Variants in MEI4 observed in about 807,000 individuals in gnomAD.
MEI4 encodes the protein meiotic double-stranded break formation protein 4, also known as meiosis-specific protein MEI4.
A neutral mutation model predicts 31.4 loss-of-function variants in MEI4; 27 were observed. The ratio of observed to expected loss-of-function variants is 0.86; its 90% CI spans 0.63 to 1.19. The LOEUF (loss-of-function observed/expected upper bound fraction) is 1.19, where lower values mean the gene tolerates loss of function less well. Ranked by LOEUF, MEI4 falls within the 50% of genes most tolerant of loss-of-function variation. MEI4 has a pLI of 0.00. For synonymous variants in MEI4, 122 were observed against 145.4 expected, an observed-to-expected ratio of 0.84 and a Z score of 1.16; for missense variants, 329 against 398.9, an observed-to-expected ratio of 0.82 and a Z score of 1.49.
At chr6:77,742,986 G>C (rs371569691) in intron 2 of MEI4, among the ~76,000 whole-genome samples, 1 of 152,014 alleles carries the variant, frequency 6.6e-6, no homozygotes, top group Non-Finnish European at 1.5e-5. Flanking sequence ...CTATATCTCT[G>C]TTTTGGTACC....
intron 1 of MEI4, among the ~76,000 whole-genome samples, chr6:77,677,734 C>G (rs1414313396): frequency 6.6e-6 from 1 of 152,112 alleles, no homozygotes; most frequent in East Asian, 1.9e-4. Context: ...TCTGTAATCT[C>G]CTATAATGAC....
At chr6:77,912,662 A>C (rs1213027080) in intron 4 of MEI4, among the ~76,000 whole-genome samples, 1 of 151,988 alleles carries the variant, frequency 6.6e-6, no homozygotes, top group East Asian at 1.9e-4. Flanking sequence ...ATATTGTTTC[A>C]GTTTTCTCCA....
At chr6:77,912,442 C>G (rs79248292) in intron 4 of MEI4, among the ~76,000 whole-genome samples, 55 of 152,120 alleles carry the variant, frequency 3.6e-4, no homozygotes, top group African/African-American at 1.3e-3. Context: ...TTATTCCTAT[C>G]CATGAGTATG....
intron 4 of MEI4, among the ~76,000 whole-genome samples, chr6:77,883,723 T>TATATATATATACATATACAC: frequency 7.2e-6 from 1 of 138,474 alleles, no homozygotes; most frequent in Admixed American, 7.2e-5. Context: ...GTAAGATATA[T>TATATATATATACATATACAC]ATATATATAT....
chr6:77,922,024 A>G (rs1216813324), intron 4 of MEI4, among the ~76,000 whole-genome samples: 1 of 151,802 alleles, frequency 6.6e-6, no homozygotes, highest in Non-Finnish European at 1.5e-5. Context: ...AGTTTGATGC[A>G]GGGTTGCCAC....
intron 3 of MEI4, among the ~76,000 whole-genome samples, chr6:77,811,634 G>A (rs1769575690): frequency 6.6e-6 from 1 of 151,994 alleles, no homozygotes; most frequent in Admixed American, 6.6e-5. Context: ...AATTAGCTGG[G>A]TGTGGTGGTG....
At chr6:77,830,361 A>T (rs1294877986) in intron 4 of MEI4, among the ~76,000 whole-genome samples, 4 of 152,086 alleles carry the variant, frequency 2.6e-5, no homozygotes, top group African/African-American at 4.8e-5. Flanking sequence ...TGCAGAAAAA[A>T]TGATGTATAT....
intron 4 of MEI4, among the ~76,000 whole-genome samples, chr6:77,865,585 T>G (rs555420356): frequency 3.9e-5 from 6 of 152,220 alleles, no homozygotes; most frequent in African/African-American, 1.2e-4. Flanking sequence ...AGGCAATAAT[T>G]AATAGCTTAC....
At chr6:77,774,721 G>T (rs1488930988) in intron 3 of MEI4, among the ~76,000 whole-genome samples, 1 of 152,026 alleles carries the variant, frequency 6.6e-6, no homozygotes, top group East Asian at 1.9e-4. Context: ...TTTTCAGTTT[G>T]AGAAAGAGAA....
intron 3 of MEI4, among the ~76,000 whole-genome samples, chr6:77,782,789 A>G (rs1170547016): frequency 1.3e-5 from 2 of 152,184 alleles, no homozygotes; most frequent in African/African-American, 4.8e-5. Context: ...AAGATTTTAA[A>G]TATAAGTTTT....
At chr6:77,750,434 C>T (rs370121554) in intron 2 of MEI4, among the ~76,000 whole-genome samples, 17 of 152,102 alleles carry the variant, frequency 1.1e-4, no homozygotes, top group East Asian at 5.8e-4. Context: ...ATATTTACCA[C>T]GCAAATGGAA....
In MEI4 at chr6:77,804,122, A is replaced by T. The variant is rs570664953; in HGVS notation, c.769-24809A>T. On this transcript the variant is annotated intron_variant, in intron 3 of 4. Coordinates refer to ENST00000684080, the MANE Select transcript of MEI4 (RefSeq NM_001322247.2). ...CCTTGAGGTGCGGTGGGCTCCACCC[A>T]GTTCGAGCTTCCTGGTGGCTTTGTT... Among the ~76,000 whole-genome samples, 5 of 152,312 alleles carry T rather than the reference A, an allele frequency of 3.3e-5. No individual in the cohort carries two copies. The South Asian group carries it at 1.0e-3, about 32-fold the overall frequency.
intron 2 of MEI4, among the ~76,000 whole-genome samples, chr6:77,743,885 C>G (rs559974565): frequency 5.2e-4 from 79 of 152,322 alleles, no homozygotes; most frequent in African/African-American, 1.9e-3. Flanking sequence ...CTAGCAAACT[C>G]CAACAGACCT....
At chr6:77,743,453 AT>A (rs1224101394) in intron 2 of MEI4, among the ~76,000 whole-genome samples, 18 of 152,080 alleles carry the variant, frequency 1.2e-4, no homozygotes, top group African/African-American at 3.9e-4. Context: ...AATGCTTGTG[AT>A]TTTTGTACAT....
rs532427193 is a variant in MEI4 at position 77,798,487 on chromosome 6, A to T, written c.769-30444A>T. On this transcript the variant is annotated intron_variant, in intron 3 of 4. Transcript: ENST00000684080. ...GATGAGGCACTTTATTTATTTATTTATTTTTTCTTTTATTATTATTATACT... is the reference window on the plus strand; with the variant it reads ...GATGAGGCACTTTATTTATTTATTTTTTTTTTCTTTTATTATTATTATACT... Among the ~76,000 whole-genome samples the T allele has an allele frequency of 5.2e-3, 755 of 144,126 alleles. 8 individuals are homozygous for T. Among genetic ancestry groups the T allele is most frequent in the African/African-American group, 0.018 (711 of 39,550 alleles). The allele number at this position is 144,126 out of a possible 152,430, so 94.6% of individuals were successfully genotyped here. A position where few individuals can be genotyped will look rare whatever the true frequency, so the allele number is the denominator to read the frequency against.
chr6:77,912,388 T>C (rs1766453115), intron 4 of MEI4, among the ~76,000 whole-genome samples: 1 of 152,080 alleles, frequency 6.6e-6, no homozygotes, highest in Non-Finnish European at 1.5e-5. Context: ...AAAAGGATTG[T>C]ATTGAATCTG....
intron 3 of MEI4, among the ~76,000 whole-genome samples, chr6:77,826,016 T>C: frequency 6.6e-6 from 1 of 152,172 alleles, no homozygotes; most frequent in Admixed American, 6.5e-5. Flanking sequence ...TTCCCTACCA[T>C]TGAACAGTAC....
At chr6:77,664,339 A>G (rs994664474) in intron 1 of MEI4, among the ~76,000 whole-genome samples, 20 of 152,194 alleles carry the variant, frequency 1.3e-4, no homozygotes, top group Non-Finnish European at 2.8e-4. Context: ...CTGCCAAACA[A>G]GTCATGAAGT....
chr6:77,856,979 G>T (rs948928403), intron 4 of MEI4, among the ~76,000 whole-genome samples: 1 of 152,114 alleles, frequency 6.6e-6, no homozygotes, highest in Non-Finnish European at 1.5e-5. Context: ...ATTTTGATTT[G>T]ATTGGTTGGC....
Sources: allele counts gnomAD v4.1 joint callset (sites outside exome capture counted in the v4.1 genomes callset), GRCh38; gene constraint gnomAD v4.1.1; transcripts MANE v1.5; gene names NCBI Gene and HGNC (gene_info 2026-07-23, HGNC 2026-07-21).